Variants in RIMS4 observed in about 807,000 individuals in gnomAD.
RIMS4 encodes regulating synaptic membrane exocytosis 4, also known as regulating synaptic membrane exocytosis protein 4.
RIMS4 carries 9 observed loss-of-function variants against 29.0 expected under a neutral mutation model. The ratio of observed to expected loss-of-function variants is 0.31; its 90% CI spans 0.19 to 0.54. RIMS4 has a LOEUF of 0.54. Among genes scored for constraint, RIMS4 ranks in the 20% least tolerant of loss-of-function variants. The pLI is 0.94. For synonymous variants in RIMS4, 130 were observed against 152.9 expected (o/e 0.85, Z 1.10); for missense variants, 193 against 365.7 (o/e 0.53, Z 3.85).
At chr20:44,758,463 G>C (rs550214966) in intron 2 of RIMS4, among the ~76,000 whole-genome samples, 2 of 152,198 alleles carry the variant, frequency 1.3e-5, no homozygotes, top group Non-Finnish European at 2.9e-5. Context: ...ATTTTAATGC[G>C]AGCCCCAGAT....
Position 44,753,154 on chromosome 20 carries a change from TCA to T in RIMS4, c.*2978_*2979del, listed in dbSNP as rs1364875038. 1.3e-5 allele frequency: 2 copies of T among 152,766 alleles called. No individual in the cohort carries two copies. Among genetic ancestry groups the T allele is most frequent in the East Asian group, 3.8e-4 (2 of 5,200 alleles). 9.5% of individuals were successfully genotyped at this position (152,766 alleles called of 1,614,324 possible). On this transcript the variant is annotated 3_prime_UTR_variant, in exon 6 of 6. Coordinates refer to ENST00000372851, the MANE Select transcript of RIMS4 (RefSeq NM_182970.4). Reference sequence around the variant, plus strand: ...GTGAGTCACTTCCTGTTTCTGGGCCTCAGTTTCCCAACCTCTCAGATGGGCTA... The same window carrying T: ...GTGAGTCACTTCCTGTTTCTGGGCCTGTTTCCCAACCTCTCAGATGGGCTA...
chr20:44,759,941 G>C (rs919414880), intron 2 of RIMS4, among the ~76,000 whole-genome samples: 1 of 152,170 alleles, frequency 6.6e-6, no homozygotes, highest in East Asian at 1.9e-4. Context: ...ACTACCCCTG[G>C]CTTGCTTTCC....
In RIMS4 at chr20:44,767,885, T is replaced by C. The variant is rs540999004; in HGVS notation, c.236+3390A>G. ...CAGGGCTTCTCTACCTTAATGTGCA[T>C]ACAAACCAGCTGGGGGTCTCATTAA... On this transcript the variant is annotated intron_variant, in intron 2 of 5. Coordinates refer to ENST00000372851, the MANE Select transcript of RIMS4 (RefSeq NM_182970.4). 3.0e-4 allele frequency among the ~76,000 whole-genome samples: 45 copies of C among 152,352 alleles called. 1 individual carries two copies. Among genetic ancestry groups the C allele is most frequent in the Non-Finnish European group, 3.7e-4 (25 of 68,032 alleles).
At position 44,756,853 on chromosome 20, in the gene RIMS4, G is replaced by T. The variant is rs368901939; in HGVS notation, c.591+45C>A. 1.3e-4 allele frequency: 210 copies of T among 1,601,322 alleles called. No individual in the cohort carries two copies. Among genetic ancestry groups the T allele is most frequent in the Non-Finnish European group, 1.7e-4 (205 of 1,172,794 alleles). On this transcript the variant is annotated intron_variant, in intron 5 of 5. Transcript: ENST00000372851. The surrounding 1 kb of genome is among the most constrained non-coding windows in gnomAD (Gnocchi z 5.9). ...CCTCTCATTCTGGTACTGTGCATGT[G>T]TGCTCGTGCACACACACACACGTGA...
intron 1 of RIMS4, among the ~76,000 whole-genome samples, chr20:44,788,233 A>C (rs2066217183): frequency 6.6e-6 from 1 of 152,194 alleles, no homozygotes; most frequent in Admixed American, 6.5e-5. Context: ...GTGAACACTT[A>C]AACTTTAAAA....
intron 2 of RIMS4, among the ~76,000 whole-genome samples, chr20:44,759,628 AC>A (rs1446365773): frequency 6.6e-6 from 1 of 152,188 alleles, no homozygotes; most frequent in Non-Finnish European, 1.5e-5. Context: ...CAAAAGGGTG[AC>A]CCTATTCCCT....
intron 1 of RIMS4, among the ~76,000 whole-genome samples, chr20:44,792,661 G>A (rs1351601989): frequency 6.6e-6 from 1 of 152,124 alleles, no homozygotes; most frequent in Admixed American, 6.5e-5. Context: ...TTCCTCATCT[G>A]CACAATGGGT....
At chr20:44,805,563 C>T (rs1382363906) in intron 1 of RIMS4, among the ~76,000 whole-genome samples, 1 of 152,094 alleles carries the variant, frequency 6.6e-6, no homozygotes. Context: ...TTCATGCCTC[C>T]ACGTGGTCCT....
At chr20:44,794,587 T>C (rs1038593724) in intron 1 of RIMS4, among the ~76,000 whole-genome samples, 3 of 152,220 alleles carry the variant, frequency 2.0e-5, no homozygotes, top group African/African-American at 4.8e-5. Context: ...CTGGAAAGTA[T>C]TAGAATGAAG....
rs181384365 is a variant in RIMS4 at position 44,801,705 on chromosome 20, A to G, written c.97+8470T>C. ...ATTTTGACTCACTTATCCTTTGTAC[A>G]AATGACTTCCTAGAGGCTTTATGAG... On this transcript the variant is annotated intron_variant, in intron 1 of 5. Coordinates refer to ENST00000372851, the MANE Select transcript of RIMS4 (RefSeq NM_182970.4). 2.1e-3 allele frequency among the ~76,000 whole-genome samples: 314 copies of G among 152,252 alleles called. 2 individuals are homozygous for G. Among genetic ancestry groups the G allele is most frequent in the African/African-American group, 6.3e-3 (263 of 41,544 alleles).
chr20:44,760,994 T>C (rs772327724), intron 2 of RIMS4, among the ~76,000 whole-genome samples: 1 of 152,052 alleles, frequency 6.6e-6, no homozygotes, highest in Non-Finnish European at 1.5e-5. Context: ...ATTAAATACT[T>C]TGATAGTTAC....
intron 1 of RIMS4, among the ~76,000 whole-genome samples, chr20:44,796,457 G>C (rs1460700369): frequency 6.6e-6 from 1 of 152,178 alleles, no homozygotes; most frequent in Non-Finnish European, 1.5e-5. Context: ...GAAGGGAGGG[G>C]CTTGGGATTC....
At chr20:44,757,143 C>T in intron 4 of RIMS4, 106 bp from the exon 5 acceptor site, 1 of 1,286,904 alleles carries the variant, frequency 7.8e-7, no homozygotes, top group South Asian at 1.4e-5. Context: ...ATAGGTGTGC[C>T]CCCATGGGGT....
chr20:44,803,552 G>A (rs182913160), intron 1 of RIMS4, among the ~76,000 whole-genome samples: 5 of 152,206 alleles, frequency 3.3e-5, no homozygotes, highest in Admixed American at 6.5e-5. Flanking sequence ...CCCCGTTGCA[G>A]AAACTGTTAA....
At chr20:44,794,170 G>C (rs564506243) in intron 1 of RIMS4, among the ~76,000 whole-genome samples, 1 of 152,346 alleles carries the variant, frequency 6.6e-6, no homozygotes, top group Admixed American at 6.5e-5. Flanking sequence ...GGTTTATAAG[G>C]GGTGATTCCT....
rs780684231 is a variant in RIMS4, at chr20:44,810,215, G to A, written c.57C>T (p.Ile19=). ...SLSASFEALA[I]YFPCMNSFDD... is the part of the protein sequence containing the mutation. Reference sequence around the variant, plus strand: ...CGAAGGAGTTCATGCACGGGAAGTAGATGGCGAGCGCCTCGAAGGAGGCGG... The same window carrying A: ...CGAAGGAGTTCATGCACGGGAAGTAAATGGCGAGCGCCTCGAAGGAGGCGG... The change falls in exon 1 of 6, where the codon ATC becomes ATT. Residue 19 remains isoleucine, a synonymous_variant. Coordinates refer to ENST00000372851, the MANE Select transcript of RIMS4 (RefSeq NM_182970.4). 1.9e-6 allele frequency: 3 copies of A among 1,585,682 alleles called. No individual in the cohort carries two copies. Among genetic ancestry groups the A allele is most frequent in the East Asian group, 2.3e-5 (1 of 43,104 alleles).
intron 2 of RIMS4, among the ~76,000 whole-genome samples, chr20:44,762,766 G>A (rs188915203): frequency 2.3e-4 from 35 of 152,248 alleles, no homozygotes; most frequent in Admixed American, 8.5e-4. Flanking sequence ...GTGGTGGCTG[G>A]GCCCTACTAG....
Position 44,756,164 on chromosome 20 carries a change from G to A in RIMS4, c.780C>T (p.Ser260=). 6.2e-7 allele frequency: 1 copy of A among 1,612,560 alleles called. No individual in the cohort carries two copies. The highest frequency in any genetic ancestry group is 8.5e-7 in the Non-Finnish European group (1 of 1,179,410). ...LRQASQLSLE[S]TVGPCGERS is the part of the protein sequence containing the mutation. ...ATCGTTCTCCGCAGGGCCCCACGGT[G>A]CTCTCGAGGGACAACTGGGATGCCT... is the stretch of plus-strand genomic sequence containing the variant. Residue 260 remains serine, a synonymous_variant, in exon 6 of 6, where the codon AGC becomes AGT. Coordinates refer to ENST00000372851, the MANE Select transcript of RIMS4 (RefSeq NM_182970.4). The surrounding 1 kb of genome is among the most constrained non-coding windows in gnomAD (Gnocchi z 5.9).
chr20:44,792,417 T>C (rs2066237012), intron 1 of RIMS4, among the ~76,000 whole-genome samples: 1 of 151,974 alleles, frequency 6.6e-6, no homozygotes, highest in Non-Finnish European at 1.5e-5. Flanking sequence ...CTCAGCCTCC[T>C]GAGTAGCTGG....
Sources: allele counts gnomAD v4.1 joint callset (sites outside exome capture counted in the v4.1 genomes callset), GRCh38; gene constraint gnomAD v4.1.1; non-coding constraint Gnocchi (gnomAD v3.1); transcripts MANE v1.5; gene names NCBI Gene and HGNC (gene_info 2026-07-23, HGNC 2026-07-21).